Variants in ANKRD44 observed in about 807,000 individuals in gnomAD.
The protein encoded by ANKRD44 is ankyrin repeat domain 44.
In ANKRD44, 35 loss-of-function variants were observed where a neutral mutation model predicts 116.0. The ratio of observed to expected loss-of-function variants is 0.30; its 90% CI spans 0.23 to 0.40. ANKRD44 has a LOEUF of 0.40. ANKRD44 is among the 10% of genes least tolerant of loss of function. The pLI, the probability that ANKRD44 is intolerant of heterozygous loss-of-function variation, is 1.00. For synonymous variants in ANKRD44, 435 were observed against 461.8 expected, an observed-to-expected ratio of 0.94 and a Z score of 0.74; for missense variants, 1,014 against 1,242.6, an observed-to-expected ratio of 0.82 and a Z score of 2.77.
At chr2:196,973,768 C>T (rs1018770878) in intron 21 of ANKRD44, among the ~76,000 whole-genome samples, 10 of 152,174 alleles carry the variant, frequency 6.6e-5, no homozygotes, top group Non-Finnish European at 1.2e-4. Flanking sequence ...TCTTTATATA[C>T]AGACCATATC....
At chr2:197,095,478 C>A (rs1030406893) in intron 10 of ANKRD44, among the ~76,000 whole-genome samples, 8 of 152,332 alleles carry the variant, frequency 5.3e-5, no homozygotes, top group African/African-American at 1.9e-4. Context: ...TAAGCCACTG[C>A]AAAACCTCCA....
rs1245562242 is a variant in ANKRD44 at position 197,124,542 on chromosome 2, G to A, written c.550+839C>T. On this transcript the variant is annotated intron_variant, in intron 6 of 27. Transcript: ENST00000282272. ...TTTCATTTAACATATCACAGACTCT[G>A]TGTTAATAAACACTCATGGACTCAT... 2.0e-5 allele frequency among the ~76,000 whole-genome samples: 3 copies of A among 152,298 alleles called. No individual in the cohort carries two copies. The South Asian group carries it at 6.2e-4, about 32-fold the overall frequency.
chr2:197,114,743 G>A (rs2078668604), intron 8 of ANKRD44, among the ~76,000 whole-genome samples: 1 of 152,080 alleles, frequency 6.6e-6, no homozygotes, highest in African/African-American at 2.4e-5. Context: ...AAGCTCTATG[G>A]GATAACATTA....
At chr2:197,247,928 G>A (rs913910362) in intron 1 of ANKRD44, among the ~76,000 whole-genome samples, 20 of 152,244 alleles carry the variant, frequency 1.3e-4, no homozygotes, top group African/African-American at 4.8e-4. Context: ...AGGGCTCCCC[G>A]TTGGACTTAA....
intron 17 of ANKRD44, among the ~76,000 whole-genome samples, chr2:197,019,227 T>C (rs1183121946): frequency 6.6e-6 from 1 of 152,204 alleles, no homozygotes; most frequent in East Asian, 1.9e-4. Flanking sequence ...ACCTTTAGAC[T>C]CTTGCTCTTC....
chr2:197,292,370 A>G (rs1402742910), intron 1 of ANKRD44, among the ~76,000 whole-genome samples: 1 of 152,154 alleles, frequency 6.6e-6, no homozygotes, highest in African/African-American at 2.4e-5. Context: ...CGCCATTCTA[A>G]CTGGCATGAG....
Position 197,083,364 on chromosome 2 carries a change from T to C in ANKRD44, c.1457+5A>G. ...CAGAGGAAGCATGAGCAAGGCTGTTTTTACTTTCTATCCATGTCTGATGCA... is the reference window on the plus strand; with the variant it reads ...CAGAGGAAGCATGAGCAAGGCTGTTCTTACTTTCTATCCATGTCTGATGCA... On this transcript the variant is annotated splice_donor_5th_base_variant and intron_variant, in intron 14 of 27. Coordinates refer to ENST00000282272, the MANE Select transcript of ANKRD44 (RefSeq NM_001195144.2). 6.2e-7 allele frequency: 1 copy of C among 1,611,122 alleles called. No individual in the cohort carries two copies. Among genetic ancestry groups the C allele is most frequent in the Non-Finnish European group, 8.5e-7 (1 of 1,178,860 alleles).
At chr2:197,295,777 T>C (rs1366837) in intron 1 of ANKRD44, among the ~76,000 whole-genome samples, 71,428 of 152,028 alleles carry the variant, frequency 0.47, 18,154 homozygotes, top group African/African-American at 0.67. Context: ...AAAGCAAGGC[T>C]GGGCACGGTG....
At chr2:197,009,583 G>C (rs1378739710) in intron 18 of ANKRD44, among the ~76,000 whole-genome samples, 1 of 152,016 alleles carries the variant, frequency 6.6e-6, no homozygotes, top group Non-Finnish European at 1.5e-5. Flanking sequence ...TGCCTAGGCT[G>C]GTCTTGAACT....
intron 11 of ANKRD44, among the ~76,000 whole-genome samples, chr2:197,089,177 A>C (rs1293928769): frequency 3.3e-5 from 5 of 152,178 alleles, no homozygotes; most frequent in Non-Finnish European, 5.9e-5. Context: ...TCAACCTTTC[A>C]GTTGGTTTAA....
chr2:196,987,384 C>T lies in ANKRD44; in HGVS notation c.*2207G>A. The T allele has an allele frequency of 1.0e-6, 1 of 984,756 alleles. No individual in the cohort carries two copies. Among genetic ancestry groups the T allele is most frequent in the Non-Finnish European group, 1.2e-6 (1 of 829,344 alleles). 61.0% of individuals were successfully genotyped at this position (984,756 alleles called of 1,614,324 possible). ...AACACTCAAATGAAAAAATACAAAA[C>T]ATTCCACAGAACATTTTCAGAATAT... On this transcript the variant is annotated 3_prime_UTR_variant, in exon 28 of 28. Coordinates refer to ENST00000282272, the MANE Select transcript of ANKRD44 (RefSeq NM_001195144.2).
intron 3 of ANKRD44, among the ~76,000 whole-genome samples, chr2:197,145,066 C>T (rs1340929511): frequency 6.6e-6 from 1 of 152,052 alleles, no homozygotes; most frequent in Non-Finnish European, 1.5e-5. Context: ...CCAAGGCAGG[C>T]GGATCACAAG....
intron 16 of ANKRD44, among the ~76,000 whole-genome samples, chr2:197,027,272 G>A (rs565015945): frequency 1.3e-5 from 2 of 152,136 alleles, no homozygotes; most frequent in Non-Finnish European, 2.9e-5. Flanking sequence ...TGAGGTGGGA[G>A]GACGGCTTTA....
intron 4 of ANKRD44, among the ~76,000 whole-genome samples, chr2:197,126,654 C>T (rs1430302526): frequency 6.6e-6 from 1 of 152,060 alleles, no homozygotes; most frequent in Non-Finnish European, 1.5e-5. Flanking sequence ...TGATCTATGA[C>T]TTTCAACCCT....
chr2:197,290,908 T>G (rs1159323495), intron 1 of ANKRD44, among the ~76,000 whole-genome samples: 26 of 152,216 alleles, frequency 1.7e-4, no homozygotes, highest in Non-Finnish European at 1.5e-5. Context: ...TGCAGTTTTT[T>G]TTTAATGTAG....
intron 1 of ANKRD44, among the ~76,000 whole-genome samples, chr2:197,227,369 G>A (rs1373792645): frequency 6.6e-6 from 1 of 152,214 alleles, no homozygotes; most frequent in Admixed American, 6.5e-5. Context: ...CCTGGAAGCA[G>A]GTGAGGCTCC....
At chr2:197,208,846 A>C (rs1243965781) in intron 1 of ANKRD44, among the ~76,000 whole-genome samples, 2 of 152,172 alleles carry the variant, frequency 1.3e-5, no homozygotes, top group African/African-American at 4.8e-5. Context: ...CTTTCTCTTT[A>C]ATGCTTTCAC....
intron 16 of ANKRD44, among the ~76,000 whole-genome samples, chr2:197,047,144 A>G (rs1370323499): frequency 6.6e-6 from 1 of 151,826 alleles, no homozygotes; most frequent in Non-Finnish European, 1.5e-5. Context: ...TCAGCCTACC[A>G]AGTAGATGGG....
intron 16 of ANKRD44, among the ~76,000 whole-genome samples, chr2:197,058,476 G>C (rs988954878): frequency 6.6e-6 from 1 of 150,880 alleles, no homozygotes; most frequent in Non-Finnish European, 1.5e-5. Context: ...GAGAAGGGAC[G>C]TTATACAAGA....
Sources: allele counts gnomAD v4.1 joint callset (sites outside exome capture counted in the v4.1 genomes callset), GRCh38; gene constraint gnomAD v4.1.1; transcripts MANE v1.5; gene names NCBI Gene and HGNC (gene_info 2026-07-23, HGNC 2026-07-21).